TENM2: variants seen among roughly 807,000 people sequenced by gnomAD.
TENM2 encodes the protein teneurin-2.
Under a neutral mutation model 245.2 loss-of-function variants are expected in TENM2, and 52 were observed. The ratio of observed to expected loss-of-function variants is 0.21; its 90% CI spans 0.17 to 0.27. TENM2 has a LOEUF of 0.27. TENM2 is among the 10% of genes least tolerant of loss of function. The probability of loss-of-function intolerance (pLI) is 1.00; values close to 1 mark genes in which losing one functional copy is unlikely to be tolerated. For synonymous variants in TENM2, 1,363 were observed against 1,438.9 expected (o/e 0.95, Z 1.19); for missense variants, 3,046 against 3,666.8 (o/e 0.83, Z 4.37).
At chr5:167,045,568 T>C in the TENM2 span, among the ~76,000 whole-genome samples, 1 of 152,218 alleles carries the variant, frequency 6.6e-6, no homozygotes, top group African/African-American at 2.4e-5. Context: ...GTGATGGCTA[T>C]TTAGAGTTAA....
At chr5:167,569,864 A>G (rs1582414449) in intron 2 of TENM2, among the ~76,000 whole-genome samples, 1 of 152,278 alleles carries the variant, frequency 6.6e-6, no homozygotes, top group South Asian at 2.1e-4. Context: ...ATTAGGAAAC[A>G]AATTTCAGGG....
At chr5:168,152,872 T>A (rs1208702569) in intron 12 of TENM2, among the ~76,000 whole-genome samples, 1 of 152,194 alleles carries the variant, frequency 6.6e-6, no homozygotes, top group Non-Finnish European at 1.5e-5. Flanking sequence ...ACAGCCCCTG[T>A]CATCAGCTTG....
the TENM2 span, among the ~76,000 whole-genome samples, chr5:167,163,041 G>A: frequency 6.6e-6 from 1 of 152,156 alleles, no homozygotes; most frequent in Non-Finnish European, 1.5e-5. Context: ...TTGAATAATG[G>A]TAGCCCTTTG....
chr5:166,982,083 A>T, the TENM2 span, among the ~76,000 whole-genome samples: 5 of 152,178 alleles, frequency 3.3e-5, no homozygotes, highest in African/African-American at 1.2e-4. Flanking sequence ...TCATCTTGAT[A>T]GCCTTGCTGG....
the TENM2 span, among the ~76,000 whole-genome samples, chr5:167,081,121 GA>G: frequency 6.6e-6 from 1 of 151,484 alleles, no homozygotes. Context: ...ATTTTTATGA[GA>G]AAAAATCAAT....
chr5:167,387,551 T>C (rs1400894032), intron 2 of TENM2, among the ~76,000 whole-genome samples: 2 of 152,136 alleles, frequency 1.3e-5, no homozygotes, highest in East Asian at 3.9e-4. Context: ...ACTTCAGTAC[T>C]ATGTTGAAGA....
intron 2 of TENM2, among the ~76,000 whole-genome samples, chr5:167,767,560 A>G (rs1256932579): frequency 6.6e-6 from 1 of 152,242 alleles, no homozygotes; most frequent in East Asian, 1.9e-4. Flanking sequence ...AATCTTACAT[A>G]TACTTCAACA....
At chr5:167,141,392 G>A in the TENM2 span, among the ~76,000 whole-genome samples, 2 of 152,046 alleles carry the variant, frequency 1.3e-5, no homozygotes, top group Non-Finnish European at 2.9e-5. Flanking sequence ...AAGAAAAAAT[G>A]ACTATCATTC....
the TENM2 span, among the ~76,000 whole-genome samples, chr5:167,177,948 G>GCCT: frequency 3.9e-5 from 6 of 152,296 alleles, no homozygotes; most frequent in African/African-American, 1.4e-4. Flanking sequence ...GGCCTGAGCA[G>GCCT]CCTCAGCTGC....
chr5:167,714,819 C>T (rs777703799), intron 2 of TENM2, among the ~76,000 whole-genome samples: 8 of 152,106 alleles, frequency 5.3e-5, no homozygotes, highest in Non-Finnish European at 1.0e-4. Flanking sequence ...GGGGCTATCT[C>T]GACAGCCCCA....
At chr5:168,221,885 T>C (rs977903980) in intron 23 of TENM2, among the ~76,000 whole-genome samples, 4 of 152,212 alleles carry the variant, frequency 2.6e-5, no homozygotes, top group Non-Finnish European at 5.9e-5. Context: ...CTGATTGACG[T>C]TGGACACGTT....
chr5:167,612,933 G>A (rs1393472512), intron 2 of TENM2, among the ~76,000 whole-genome samples: 1 of 152,070 alleles, frequency 6.6e-6, no homozygotes, highest in Non-Finnish European at 1.5e-5. Context: ...ATTTGCTTTA[G>A]GTACAAAACT....
At chr5:168,158,574 C>T (rs546322930) in intron 12 of TENM2, among the ~76,000 whole-genome samples, 149 of 151,654 alleles carry the variant, frequency 9.8e-4, no homozygotes, top group Non-Finnish European at 1.7e-3. Flanking sequence ...TGGGGCCTGT[C>T]CTGTGCATTG....
the TENM2 span, among the ~76,000 whole-genome samples, chr5:167,089,152 A>C: frequency 2.6e-5 from 4 of 152,252 alleles, no homozygotes; most frequent in Non-Finnish European, 5.9e-5. Flanking sequence ...TTTGCAAAGA[A>C]GAATGTTATA....
At chr5:167,705,347 T>G (rs1758432610) in intron 2 of TENM2, among the ~76,000 whole-genome samples, 1 of 152,166 alleles carries the variant, frequency 6.6e-6, no homozygotes, top group Admixed American at 6.5e-5. Flanking sequence ...GATCTTGACT[T>G]CTTATATTCT....
At chr5:167,169,665 C>T in the TENM2 span, among the ~76,000 whole-genome samples, 2 of 152,198 alleles carry the variant, frequency 1.3e-5, no homozygotes, top group East Asian at 1.9e-4. Context: ...ATTCCACTTG[C>T]CCATGCTGAC....
At chr5:167,531,582 G>T (rs1771505520) in intron 2 of TENM2, among the ~76,000 whole-genome samples, 1 of 151,538 alleles carries the variant, frequency 6.6e-6, no homozygotes, top group African/African-American at 2.4e-5. Context: ...TATATTTCCA[G>T]AACTTATTCA....
chr5:168,197,411 A>G (rs2173018), intron 15 of TENM2, among the ~76,000 whole-genome samples: 23,599 of 152,072 alleles, frequency 0.16, 2,606 homozygotes, highest in East Asian at 0.33. Flanking sequence ...AAAGAGATGA[A>G]ATTCTAAGGC....
At chr5:167,579,063 A>G (rs1296675928) in intron 2 of TENM2, among the ~76,000 whole-genome samples, 1 of 152,076 alleles carries the variant, frequency 6.6e-6, no homozygotes, top group Non-Finnish European at 1.5e-5. Context: ...CTTTAATTTA[A>G]TTTGTTCCAT....
Sources: allele counts gnomAD v4.1 joint callset (sites outside exome capture counted in the v4.1 genomes callset), GRCh38; gene constraint gnomAD v4.1.1; transcripts MANE v1.5; gene names NCBI Gene and HGNC (gene_info 2026-07-23, HGNC 2026-07-21).